SPIDR: variants seen among roughly 807,000 people sequenced by gnomAD.
SPIDR encodes DNA repair-scaffolding protein.
In SPIDR, 93 loss-of-function variants were observed where a neutral mutation model predicts 104.6. The observed-to-expected ratio is 0.89, with a 90% CI of 0.75 to 1.06. The LOEUF is 1.06. Among genes scored for constraint, SPIDR ranks in the 50% least tolerant of loss-of-function variants. The probability of loss-of-function intolerance (pLI) is 0.00; values close to 1 mark genes in which losing one functional copy is unlikely to be tolerated. For synonymous variants in SPIDR, 431 were observed against 416.9 expected, an observed-to-expected ratio of 1.03 and a Z score of -0.41; for missense variants, 1,154 against 1,111.2, an observed-to-expected ratio of 1.04 and a Z score of -0.55.
intron 14 of SPIDR, among the ~76,000 whole-genome samples, chr8:47,703,378 G>A (rs958064611): frequency 3.3e-5 from 5 of 152,122 alleles, no homozygotes; most frequent in Non-Finnish European, 4.4e-5. Flanking sequence ...GCATATATAC[G>A]AGTATCATTA....
intron 10 of SPIDR, among the ~76,000 whole-genome samples, chr8:47,627,847 A>G (rs900409912): frequency 7.9e-5 from 12 of 152,178 alleles, no homozygotes; most frequent in African/African-American, 2.7e-4. Flanking sequence ...AGTGGAATGG[A>G]GAAGTTAGCA....
At chr8:47,495,299 T>TTTGTC (rs1247590628) in intron 8 of SPIDR, among the ~76,000 whole-genome samples, 1 of 152,006 alleles carries the variant, frequency 6.6e-6, no homozygotes, top group Non-Finnish European at 1.5e-5. Context: ...CACCTCAGTC[T>TTTGTC]TTGTCTCCTT....
intron 1 of SPIDR, among the ~76,000 whole-genome samples, chr8:47,267,388 T>G (rs1554547636): frequency 6.6e-6 from 1 of 152,224 alleles, no homozygotes; most frequent in African/African-American, 2.4e-5. Flanking sequence ...AGCAGTGGAA[T>G]TTTTGGGTCA....
At chr8:47,572,784 A>T (rs2058684238) in intron 8 of SPIDR, among the ~76,000 whole-genome samples, 2 of 152,276 alleles carry the variant, frequency 1.3e-5, no homozygotes, top group South Asian at 4.1e-4. Context: ...GACAGAAATA[A>T]AAGATGAAAA....
intron 8 of SPIDR, among the ~76,000 whole-genome samples, chr8:47,588,638 C>T (rs1033625762): frequency 6.6e-6 from 1 of 152,016 alleles, no homozygotes; most frequent in Non-Finnish European, 1.5e-5. Flanking sequence ...AAATTTTTGC[C>T]TTGTTTTCCA....
chr8:47,665,468 T>C (rs1239912811), intron 10 of SPIDR, among the ~76,000 whole-genome samples: 1 of 152,242 alleles, frequency 6.6e-6, no homozygotes, highest in Admixed American at 6.5e-5. Context: ...TCTAGCTTTT[T>C]ACTTGTTTGG....
At chr8:47,383,619 T>C (rs929523104) in intron 5 of SPIDR, among the ~76,000 whole-genome samples, 2 of 152,188 alleles carry the variant, frequency 1.3e-5, no homozygotes, top group African/African-American at 4.8e-5. Context: ...TTTGCCCAAG[T>C]TCATCATCAT....
At chr8:47,292,930 C>T (rs1229588158) in intron 4 of SPIDR, among the ~76,000 whole-genome samples, 1 of 152,084 alleles carries the variant, frequency 6.6e-6, no homozygotes, top group African/African-American at 2.4e-5. Context: ...GTGATACCGG[C>T]AGCGGCTCTG....
intron 8 of SPIDR, among the ~76,000 whole-genome samples, chr8:47,533,531 G>T (rs1195934534): frequency 6.6e-6 from 1 of 152,108 alleles, no homozygotes; most frequent in East Asian, 1.9e-4. Flanking sequence ...TCTGACAAAG[G>T]TCTAATATCC....
At chr8:47,628,162 C>T (rs951981373) in intron 10 of SPIDR, among the ~76,000 whole-genome samples, 14 of 152,184 alleles carry the variant, frequency 9.2e-5, no homozygotes, top group African/African-American at 3.1e-4. Context: ...AGCCATCCTT[C>T]CACAGAACAT....
chr8:47,675,479 CAT>C (rs2076314368), intron 11 of SPIDR, among the ~76,000 whole-genome samples: 1 of 152,186 alleles, frequency 6.6e-6, no homozygotes, highest in South Asian at 2.1e-4. Context: ...GGTTGGGTCA[CAT>C]GAGTCTTACC....
intron 5 of SPIDR, among the ~76,000 whole-genome samples, chr8:47,301,357 T>C (rs2042057700): frequency 6.6e-6 from 1 of 152,186 alleles, no homozygotes; most frequent in East Asian, 1.9e-4. Context: ...TGAGATGGGT[T>C]TCCTGAATAC....
chr8:47,595,065 G>C (rs543665324), intron 8 of SPIDR, among the ~76,000 whole-genome samples: 66 of 152,110 alleles, frequency 4.3e-4, no homozygotes, highest in African/African-American at 1.5e-3. Context: ...AAGTCCTGAG[G>C]TCTCTAGGTT....
chr8:47,712,141 G>T (rs2081976166), intron 14 of SPIDR, among the ~76,000 whole-genome samples: 1 of 151,430 alleles, frequency 6.6e-6, no homozygotes, highest in African/African-American at 2.4e-5. Context: ...TTGAAGATAA[G>T]AAAAAAATGA....
intron 8 of SPIDR, among the ~76,000 whole-genome samples, chr8:47,465,913 A>G (rs912691743): frequency 6.6e-5 from 10 of 152,276 alleles, no homozygotes; most frequent in Admixed American, 2.0e-4. Context: ...GACGAAGATC[A>G]AAAAAGACAA....
intron 11 of SPIDR, among the ~76,000 whole-genome samples, chr8:47,685,521 T>A (rs551562769): frequency 1.3e-4 from 17 of 128,980 alleles, no homozygotes; most frequent in East Asian, 1.0e-3. Context: ...TTATTTATTT[T>A]TTTGAGACAG....
intron 5 of SPIDR, among the ~76,000 whole-genome samples, chr8:47,322,866 C>G (rs531710815): frequency 1.3e-5 from 2 of 151,958 alleles, no homozygotes; most frequent in Non-Finnish European, 2.9e-5. Context: ...CATGTTCTCA[C>G]TCATAGGTGG....
At chr8:47,458,657 A>G (rs1341099422) in intron 8 of SPIDR, among the ~76,000 whole-genome samples, 2 of 151,996 alleles carry the variant, frequency 1.3e-5, no homozygotes, top group African/African-American at 2.4e-5. Context: ...GGCTCTGGCT[A>G]GGACTTCTAG....
intron 10 of SPIDR, chr8:47,660,534 G>T: frequency 1.0e-6 from 1 of 985,364 alleles, no homozygotes. Context: ...CTGCTACCCT[G>T]TTCCCCTGGA....
Sources: allele counts gnomAD v4.1 joint callset (sites outside exome capture counted in the v4.1 genomes callset), GRCh38; gene constraint gnomAD v4.1.1; transcripts MANE v1.5; gene names NCBI Gene and HGNC (gene_info 2026-07-23, HGNC 2026-07-21).